The following SPAG16 variants were observed in gnomAD, a reference collection of about 807,000 sequenced individuals.
The protein encoded by SPAG16 is sperm-associated antigen 16 protein.
In SPAG16, 86 loss-of-function variants were observed where a neutral mutation model predicts 80.4. The observed-to-expected ratio is 1.07, with a 90% CI of 0.90 to 1.28. The LOEUF is 1.28. Ranked by LOEUF, SPAG16 falls within the 50% of genes most tolerant of loss-of-function variation. The pLI is 0.00. For synonymous variants in SPAG16, 294 were observed against 265.9 expected (o/e 1.11, Z -1.03); for missense variants, 870 against 765.3 (o/e 1.14, Z -1.61).
intron 10 of SPAG16, among the ~76,000 whole-genome samples, chr2:213,646,994 A>C (rs566222049): frequency 3.9e-5 from 6 of 152,368 alleles, no homozygotes; most frequent in African/African-American, 1.4e-4. Flanking sequence ...ACATAAAACA[A>C]TTAAAATGAA....
intron 10 of SPAG16, among the ~76,000 whole-genome samples, chr2:213,847,416 G>A (rs2074684633): frequency 6.6e-6 from 1 of 152,130 alleles, no homozygotes; most frequent in Non-Finnish European, 1.5e-5. Flanking sequence ...CAGGGTGGAA[G>A]GCAAAGAGGG....
At chr2:213,425,943 T>C (rs371613825) in intron 9 of SPAG16, among the ~76,000 whole-genome samples, 8 of 152,168 alleles carry the variant, frequency 5.3e-5, no homozygotes, top group African/African-American at 1.9e-4. Context: ...CTGGAGCATG[T>C]TGTAGTGCCA....
At chr2:214,322,343 CTG>C (rs1444555974) in intron 15 of SPAG16, among the ~76,000 whole-genome samples, 1 of 152,128 alleles carries the variant, frequency 6.6e-6, no homozygotes, top group African/African-American at 2.4e-5. Context: ...TGGTTTATCT[CTG>C]TATTCCCCAT....
chr2:213,856,551 T>A (rs72941123), intron 10 of SPAG16, among the ~76,000 whole-genome samples: 1 of 152,098 alleles, frequency 6.6e-6, no homozygotes, highest in African/African-American at 2.4e-5. Flanking sequence ...TACAGCAGAC[T>A]TCTGCCTGGA....
intron 11 of SPAG16, among the ~76,000 whole-genome samples, chr2:213,913,677 A>G (rs1036618606): frequency 6.6e-6 from 1 of 151,016 alleles, no homozygotes; most frequent in African/African-American, 2.4e-5. Flanking sequence ...GTACATATGG[A>G]TATATATGCA....
intron 10 of SPAG16, among the ~76,000 whole-genome samples, chr2:213,722,590 A>ATCAG (rs1426715218): frequency 1.3e-5 from 2 of 152,194 alleles, no homozygotes; most frequent in Admixed American, 1.3e-4. Context: ...TTGAGATGGA[A>ATCAG]TCAGTACCTG....
intron 9 of SPAG16, among the ~76,000 whole-genome samples, chr2:213,409,344 G>A (rs948780468): frequency 6.6e-6 from 1 of 152,158 alleles, no homozygotes; most frequent in Non-Finnish European, 1.5e-5. Context: ...TAAAAAGATT[G>A]TAGGGAGGCA....
intron 15 of SPAG16, among the ~76,000 whole-genome samples, chr2:214,391,696 G>A (rs868302467): frequency 1.3e-5 from 2 of 152,066 alleles, no homozygotes; most frequent in African/African-American, 2.4e-5. Context: ...TAAAGAAGAC[G>A]ACTTCCACAT....
chr2:214,404,769 GAAAA>G (rs748285193), intron 15 of SPAG16, among the ~76,000 whole-genome samples: 14 of 150,452 alleles, frequency 9.3e-5, no homozygotes, highest in Non-Finnish European at 1.9e-4. Context: ...TTGGAGTCTA[GAAAA>G]AAAAATAATT....
intron 10 of SPAG16, among the ~76,000 whole-genome samples, chr2:213,577,897 CT>C (rs992562035): frequency 2.0e-5 from 3 of 152,070 alleles, no homozygotes; most frequent in African/African-American, 7.2e-5. Flanking sequence ...CACCATCGCT[CT>C]GCCTCATACT....
At chr2:213,439,409 A>G (rs1446708100) in intron 9 of SPAG16, among the ~76,000 whole-genome samples, 1 of 152,250 alleles carries the variant, frequency 6.6e-6, no homozygotes, top group Non-Finnish European at 1.5e-5. Flanking sequence ...ACTCATGGTC[A>G]GGACTTAGAA....
chr2:213,608,337 A>G (rs1465477751), intron 10 of SPAG16, among the ~76,000 whole-genome samples: 1 of 151,812 alleles, frequency 6.6e-6, no homozygotes, highest in African/African-American at 2.4e-5. Flanking sequence ...CCCCCACCCC[A>G]CAACAGTCCC....
chr2:213,675,323 C>A (rs1366630983), intron 10 of SPAG16, among the ~76,000 whole-genome samples: 2 of 152,058 alleles, frequency 1.3e-5, no homozygotes, highest in Admixed American at 6.5e-5. Flanking sequence ...AATTTTCTCC[C>A]ATTTTGTGGG....
At chr2:213,319,558 G>A (rs992485883) in intron 5 of SPAG16, among the ~76,000 whole-genome samples, 1 of 151,770 alleles carries the variant, frequency 6.6e-6, no homozygotes, top group Non-Finnish European at 1.5e-5. Flanking sequence ...TTGCCCTGTT[G>A]CTCACTATGA....
chr2:213,914,448 T>C (rs536578728), intron 11 of SPAG16, among the ~76,000 whole-genome samples: 1 of 152,224 alleles, frequency 6.6e-6, no homozygotes, highest in South Asian at 2.1e-4. Context: ...CAAAGAACCA[T>C]TTTGGTCTTT....
intron 9 of SPAG16, among the ~76,000 whole-genome samples, chr2:213,409,115 T>TG (rs35139889): frequency 9.3e-4 from 83 of 89,546 alleles, no homozygotes; most frequent in African/African-American, 1.7e-3. Context: ...ATAAATTAAC[T>TG]GTTTTTTTTT....
At chr2:213,796,728 T>G (rs1252122267) in intron 10 of SPAG16, among the ~76,000 whole-genome samples, 4 of 152,164 alleles carry the variant, frequency 2.6e-5, no homozygotes. Context: ...GCACATAAAA[T>G]TATGTACAAT....
At chr2:214,090,265 G>C (rs1013500121) in intron 13 of SPAG16, among the ~76,000 whole-genome samples, 3 of 151,772 alleles carry the variant, frequency 2.0e-5, no homozygotes, top group African/African-American at 7.2e-5. Context: ...ACAAGTATAA[G>C]AAAGACTTTT....
At chr2:213,605,726 T>C (rs1159637565) in intron 10 of SPAG16, among the ~76,000 whole-genome samples, 1 of 152,094 alleles carries the variant, frequency 6.6e-6, no homozygotes, top group Non-Finnish European at 1.5e-5. Context: ...CCTGACTTCG[T>C]GATCGGCCTG....
Sources: gnomAD v4.1 joint callset for allele counts (sites outside exome capture counted in the v4.1 genomes callset) on GRCh38, gnomAD v4.1.1 for gene constraint, MANE v1.5 for transcripts, NCBI Gene and HGNC (gene_info 2026-07-23, HGNC 2026-07-21) for gene names.